The following CMIP variants were observed in gnomAD, a reference collection of about 807,000 sequenced individuals.
The protein encoded by CMIP is C-Maf-inducing protein.
Under a neutral mutation model 97.3 loss-of-function variants are expected in CMIP, and 13 were observed. The ratio of observed to expected loss-of-function variants is 0.13; its 90% CI spans 0.09 to 0.21. The LOEUF is 0.21. Ranked by LOEUF, CMIP falls within the 10% of genes least tolerant of loss-of-function variation. The pLI, the probability that CMIP is intolerant of heterozygous loss-of-function variation, is 1.00. For synonymous variants in CMIP, 538 were observed against 436.3 expected (o/e 1.23, Z -2.91); for missense variants, 847 against 1,024.9 (o/e 0.83, Z 2.37).
At chr16:81,663,467 A>C (rs2092569333) in intron 6 of CMIP, among the ~76,000 whole-genome samples, 2 of 152,092 alleles carry the variant, frequency 1.3e-5, no homozygotes, top group South Asian at 4.1e-4. Flanking sequence ...GGTGGTTGCC[A>C]GGGGTTGGGG....
At chr16:81,493,888 C>G (rs556747291) in intron 1 of CMIP, among the ~76,000 whole-genome samples, 2 of 152,340 alleles carry the variant, frequency 1.3e-5, no homozygotes, top group Admixed American at 1.3e-4. Flanking sequence ...CTCACGCGGC[C>G]TGTCACCCGC....
intron 1 of CMIP, among the ~76,000 whole-genome samples, chr16:81,602,572 T>G (rs2150934840): frequency 1.3e-5 from 2 of 151,750 alleles, no homozygotes; most frequent in South Asian, 4.2e-4. Context: ...CCCCCAAGAG[T>G]CCCCCTGCCC....
chr16:81,701,847 G>C (rs199830971), intron 16 of CMIP, 47 bp downstream of exon 16: 77 of 1,609,358 alleles, frequency 4.8e-5, no homozygotes, highest in Admixed American at 1.2e-4. Flanking sequence ...AGCAGGCCAG[G>C]GGGGGCCAGG....
At chr16:81,506,891 C>T (rs1202982766) in intron 1 of CMIP, among the ~76,000 whole-genome samples, 4 of 136,796 alleles carry the variant, frequency 2.9e-5, no homozygotes, top group African/African-American at 8.4e-5. Flanking sequence ...GATGACAGAG[C>T]GAGACTCCGT....
intron 1 of CMIP, among the ~76,000 whole-genome samples, chr16:81,601,673 G>A (rs1324463641): frequency 1.3e-5 from 2 of 152,112 alleles, no homozygotes; most frequent in African/African-American, 4.8e-5. Flanking sequence ...CTCCATATCT[G>A]TCCCCGAGAG....
intron 1 of CMIP, among the ~76,000 whole-genome samples, chr16:81,522,252 G>A (rs1332932532): frequency 2.0e-5 from 3 of 152,186 alleles, no homozygotes; most frequent in African/African-American, 7.2e-5. Context: ...GTGATTGGTG[G>A]GTTGGGCCCT....
chr16:81,640,569 A>G (rs1477828330), intron 3 of CMIP, among the ~76,000 whole-genome samples: 3 of 152,038 alleles, frequency 2.0e-5, no homozygotes, highest in Non-Finnish European at 2.9e-5. Context: ...TTCTCACACA[A>G]TTCTGGGGCC....
intron 1 of CMIP, among the ~76,000 whole-genome samples, chr16:81,470,518 G>C (rs1308339789): frequency 2.6e-5 from 4 of 152,244 alleles, no homozygotes; most frequent in Non-Finnish European, 5.9e-5. Flanking sequence ...AATAAGGCTG[G>C]ATCTGAGCAG....
chr16:81,565,427 C>G (rs1337559127), intron 1 of CMIP, among the ~76,000 whole-genome samples: 2 of 152,198 alleles, frequency 1.3e-5, no homozygotes, highest in Non-Finnish European at 1.5e-5. Context: ...TCTCTGCACT[C>G]CATCCTCCTG....
chr16:81,594,829 A>C (rs921734455), intron 1 of CMIP, among the ~76,000 whole-genome samples: 52 of 108,548 alleles, frequency 4.8e-4, no homozygotes, highest in African/African-American at 1.7e-3. Context: ...ACGGGGTTTT[A>C]GCATGTTAGC....
At chr16:81,619,009 T>A (rs2091958557) in intron 2 of CMIP, 1 of 152,262 alleles carries the variant, frequency 6.6e-6, no homozygotes, top group South Asian at 2.1e-4. Context: ...CAGGGGGCTG[T>A]TTCTCCTCCT....
intron 1 of CMIP, among the ~76,000 whole-genome samples, chr16:81,569,683 T>TAGTG (rs2091048613): frequency 6.6e-6 from 1 of 152,212 alleles, no homozygotes. Context: ...AGTGAGATGC[T>TAGTG]TAAATGCAGA....
At chr16:81,648,526 G>A (rs1567632936) in intron 3 of CMIP, among the ~76,000 whole-genome samples, 2 of 152,224 alleles carry the variant, frequency 1.3e-5, no homozygotes, top group East Asian at 3.9e-4. Context: ...GCTGCCGCCT[G>A]TAATCCCAGC....
chr16:81,563,473 C>T (rs2090923513), intron 1 of CMIP, among the ~76,000 whole-genome samples: 1 of 152,238 alleles, frequency 6.6e-6, no homozygotes, highest in Admixed American at 6.5e-5. Flanking sequence ...CCAGCAGCGT[C>T]AGCCTCACCT....
intron 10 of CMIP, 132 bp from the exon 11 acceptor site, chr16:81,691,643 G>A (rs1906089958): frequency 8.5e-6 from 6 of 706,492 alleles, no homozygotes; most frequent in Non-Finnish European, 1.5e-5. Context: ...AGGTGGAAGT[G>A]GGTGGAGAAG....
intron 2 of CMIP, among the ~76,000 whole-genome samples, chr16:81,609,438 A>G (rs1021440990): frequency 3.3e-5 from 5 of 152,212 alleles, no homozygotes; most frequent in African/African-American, 2.4e-5. Flanking sequence ...TAGGGTAGCC[A>G]GAGATTGTCC....
At chr16:81,471,050 G>A (rs1907500799) in intron 1 of CMIP, among the ~76,000 whole-genome samples, 1 of 151,750 alleles carries the variant, frequency 6.6e-6, no homozygotes, top group Non-Finnish European at 1.5e-5. Flanking sequence ...ATGCACACAG[G>A]CACAATGCGT....
At chr16:81,448,606 C>G (rs1046825347) in intron 1 of CMIP, among the ~76,000 whole-genome samples, 1 of 152,244 alleles carries the variant, frequency 6.6e-6, no homozygotes, top group Non-Finnish European at 1.5e-5. Flanking sequence ...CTTGCCCTGC[C>G]CTGGTCTCCT....
Position 81,453,083 on chromosome 16 carries a change from G to A in CMIP, c.300+7542G>A, listed in dbSNP as rs1472276431. ...AGTGCTCTGATTCACCTCTGGTTTT[G>A]CCAGCGAGGAAGGGGTGAGGGGAAG... On this transcript the variant is annotated intron_variant, in intron 1 of 20. Coordinates refer to ENST00000537098, the MANE Select transcript of CMIP (RefSeq NM_198390.3). This position sits in a 1 kb window ranked among gnomAD's most constrained non-coding sequence, Gnocchi z 4.0. Among the ~76,000 whole-genome samples the A allele has an allele frequency of 6.6e-6, 1 of 152,106 alleles. No individual in the cohort carries two copies. Among genetic ancestry groups the A allele is most frequent in the East Asian group, 1.9e-4 (1 of 5,194 alleles).
Sources: allele counts gnomAD v4.1 joint callset (sites outside exome capture counted in the v4.1 genomes callset), GRCh38; gene constraint gnomAD v4.1.1; non-coding constraint Gnocchi (gnomAD v3.1); transcripts MANE v1.5; gene names NCBI Gene and HGNC (gene_info 2026-07-23, HGNC 2026-07-21).